The following TNFRSF21 variants were observed in gnomAD, a reference collection of about 807,000 sequenced individuals.
TNFRSF21 encodes TNF receptor superfamily member 21, also known as tumor necrosis factor receptor superfamily member 21.
A neutral mutation model predicts 45.6 loss-of-function variants in TNFRSF21; 19 were observed. The ratio of observed to expected loss-of-function variants is 0.42; its 90% CI spans 0.29 to 0.61. The LOEUF is 0.61. TNFRSF21 is among the 20% of genes least tolerant of loss of function. The pLI, the probability that TNFRSF21 is intolerant of heterozygous loss-of-function variation, is 0.23. For missense variants in TNFRSF21, 737 were observed against 851.5 expected (o/e 0.87, Z 1.67); for synonymous variants, 314 against 335.5 (o/e 0.94, Z 0.70).
At chr6:47,253,930 A>G (rs1338767580) in intron 3 of TNFRSF21, among the ~76,000 whole-genome samples, 1 of 152,240 alleles carries the variant, frequency 6.6e-6, no homozygotes, top group Non-Finnish European at 1.5e-5. Context: ...AGCCCTATAC[A>G]TACTACGCAT....
At chr6:47,275,410 A>C (rs1027638174) in intron 3 of TNFRSF21, among the ~76,000 whole-genome samples, 7 of 152,172 alleles carry the variant, frequency 4.6e-5, no homozygotes, top group African/African-American at 1.7e-4. Context: ...AAGGACAGAA[A>C]ACCAAACACC....
intron 3 of TNFRSF21, among the ~76,000 whole-genome samples, chr6:47,271,007 T>C (rs746745032): frequency 3.3e-5 from 5 of 152,100 alleles, no homozygotes; most frequent in Non-Finnish European, 7.4e-5. Flanking sequence ...CCAAGAAATA[T>C]GGGACTATGT....
chr6:47,308,123 G>A (rs144083267), intron 1 of TNFRSF21, among the ~76,000 whole-genome samples: 3 of 152,356 alleles, frequency 2.0e-5, no homozygotes, highest in Non-Finnish European at 4.4e-5. Context: ...AAGAGTTTCT[G>A]AAGGGAGACT....
intron 1 of TNFRSF21, among the ~76,000 whole-genome samples, chr6:47,306,511 T>C (rs1357958857): frequency 6.6e-6 from 1 of 152,064 alleles, no homozygotes; most frequent in East Asian, 1.9e-4. Flanking sequence ...TTCTCAACTA[T>C]AAAAAGGAGA....
rs2113840156 is a variant in TNFRSF21 at position 47,232,488 on chromosome 6, A to T, written c.*277T>A. On this transcript the variant is annotated 3_prime_UTR_variant, in exon 6 of 6. Transcript: ENST00000296861. ...AAATGGAGAAAATATGGAACTTAAAAAACTTTAGTGGTGGGTATTTCACAA... is the reference window on the plus strand; with the variant it reads ...AAATGGAGAAAATATGGAACTTAAATAACTTTAGTGGTGGGTATTTCACAA... 2.8e-6 allele frequency: 1 copy of T among 356,432 alleles called. No individual in the cohort carries two copies. The highest frequency in any genetic ancestry group is 5.0e-6 in the Non-Finnish European group (1 of 198,252). 22.1% of individuals were successfully genotyped at this position (356,432 alleles called of 1,614,324 possible).
intron 4 of TNFRSF21, among the ~76,000 whole-genome samples, chr6:47,238,867 A>G (rs1473698989): frequency 6.6e-6 from 1 of 152,186 alleles, no homozygotes; most frequent in East Asian, 1.9e-4. Context: ...TTGTACCACA[A>G]TGAACCATGA....
At position 47,277,138 on chromosome 6, in the gene TNFRSF21, C is replaced by A. The variant is rs1016529172; in HGVS notation, c.1243+6800G>T. 2.6e-5 allele frequency among the ~76,000 whole-genome samples: 4 copies of A among 152,260 alleles called. No homozygotes were observed. The East Asian group carries it at 5.8e-4, about 22-fold the overall frequency. On this transcript the variant is annotated intron_variant, in intron 3 of 5. Coordinates refer to ENST00000296861, the MANE Select transcript of TNFRSF21 (RefSeq NM_014452.5). ...CCTCCTGAGTACCTGGGATTACAGG[C>A]GCCCGCCACCACGCCTGGTTAATTT...
intron 3 of TNFRSF21, among the ~76,000 whole-genome samples, chr6:47,267,347 GC>G (rs1336846322): frequency 6.6e-6 from 1 of 152,018 alleles, no homozygotes; most frequent in African/African-American, 2.4e-5. Context: ...TGATCAGCCC[GC>G]CTCAGCCTCC....
intron 3 of TNFRSF21, among the ~76,000 whole-genome samples, chr6:47,279,031 G>A (rs1183433327): frequency 6.6e-6 from 1 of 152,092 alleles, no homozygotes; most frequent in Non-Finnish European, 1.5e-5. Context: ...ACAGTCTGAA[G>A]GAAAAAGGAA....
chr6:47,236,024 G>A (rs962738951), intron 4 of TNFRSF21, among the ~76,000 whole-genome samples: 2 of 152,154 alleles, frequency 1.3e-5, no homozygotes, highest in Non-Finnish European at 2.9e-5. Flanking sequence ...TATGACTATG[G>A]CTTGTACTGG....
intron 1 of TNFRSF21, among the ~76,000 whole-genome samples, chr6:47,300,715 C>A (rs1231384656): frequency 6.6e-6 from 1 of 152,170 alleles, no homozygotes; most frequent in East Asian, 1.9e-4. Flanking sequence ...TCCCTCTGGG[C>A]CATCCCACAT....
intron 1 of TNFRSF21, among the ~76,000 whole-genome samples, chr6:47,296,265 A>C (rs1367513880): frequency 1.3e-5 from 2 of 152,236 alleles, no homozygotes; most frequent in African/African-American, 4.8e-5. Context: ...CCAGTGCAGC[A>C]ACTCCAGCAT....
In TNFRSF21 at chr6:47,276,005, CA is replaced by C. The variant is rs1762491557; in HGVS notation, c.1243+7932del. On this transcript the variant is annotated intron_variant, in intron 3 of 5. Coordinates refer to ENST00000296861, the MANE Select transcript of TNFRSF21 (RefSeq NM_014452.5). ...GGCACAGATAAATTGTCACACTGATCAAAATCTGGTGGCCCTTCTGTGATGG... is the reference window on the plus strand; with the variant it reads ...GGCACAGATAAATTGTCACACTGATCAAATCTGGTGGCCCTTCTGTGATGG... Among the ~76,000 whole-genome samples the C allele has an allele frequency of 3.3e-5, 5 of 152,290 alleles. No homozygotes were observed. The South Asian group carries it at 1.0e-3, about 32-fold the overall frequency.
intron 1 of TNFRSF21, among the ~76,000 whole-genome samples, chr6:47,299,928 G>A (rs541515037): frequency 1.3e-5 from 2 of 152,276 alleles, no homozygotes; most frequent in Non-Finnish European, 2.9e-5. Flanking sequence ...CCATAAAACT[G>A]TTCATTTATT....
rs1764638699 is a variant in TNFRSF21 at position 47,234,743 on chromosome 6, C to G, written c.1665G>C (p.Glu555Asp). ...KNKGFFVDES[E>D]PLLRCDSTSS... is the part of the protein sequence containing the mutation. ...ATGTAGAGTCACAGCGGAGAAGGGG[C>G]TCCGACTCATCCACGAAGAAGCCCT... The change falls in exon 5 of 6, where the codon GAG becomes GAC. Residue 555 changes from glutamate (E) to aspartate (D), a missense_variant. Coordinates refer to ENST00000296861, the MANE Select transcript of TNFRSF21 (RefSeq NM_014452.5). 1 of 1,610,870 alleles carries G rather than the reference C, an allele frequency of 6.2e-7. No homozygotes were observed. The highest frequency in any genetic ancestry group is 8.5e-7 in the Non-Finnish European group (1 of 1,178,822).
intron 4 of TNFRSF21, among the ~76,000 whole-genome samples, chr6:47,236,482 C>T (rs1561936773): frequency 6.6e-6 from 1 of 152,222 alleles, no homozygotes; most frequent in Non-Finnish European, 1.5e-5. Context: ...GCAAACACAA[C>T]TGCTTCTTTT....
chr6:47,286,707 A>C (rs2113864862), intron 1 of TNFRSF21, 112 bp from the exon 2 acceptor site: 1 of 1,181,588 alleles, frequency 8.5e-7, no homozygotes, highest in Non-Finnish European at 1.2e-6. Flanking sequence ...TTCCTGTTAA[A>C]GATCCGACCA....
chr6:47,243,435 T>C (rs1409532214), intron 4 of TNFRSF21, among the ~76,000 whole-genome samples: 3 of 152,162 alleles, frequency 2.0e-5, no homozygotes, highest in African/African-American at 7.2e-5. Context: ...TGTTGTTTTT[T>C]TGGTTTTGTT....
intron 4 of TNFRSF21, among the ~76,000 whole-genome samples, chr6:47,242,630 G>C (rs1486452791): frequency 2.0e-5 from 3 of 152,194 alleles, no homozygotes; most frequent in Non-Finnish European, 4.4e-5. Flanking sequence ...GGGAAAAGGG[G>C]GGGCAGCCCC....
Sources: gnomAD v4.1 joint callset for allele counts (sites outside exome capture counted in the v4.1 genomes callset) on GRCh38, gnomAD v4.1.1 for gene constraint, MANE v1.5 for transcripts, NCBI Gene and HGNC (gene_info 2026-07-23, HGNC 2026-07-21) for gene names.